The following NKAIN1 variants were observed in gnomAD, a reference collection of about 807,000 sequenced individuals.
NKAIN1 encodes the protein sodium/potassium-transporting ATPase subunit beta-1-interacting protein 1.
In NKAIN1, 13 loss-of-function variants were observed where a neutral mutation model predicts 31.6. The observed-to-expected ratio is 0.41, with a 90% CI of 0.27 to 0.65. The LOEUF is 0.65. Among genes scored for constraint, NKAIN1 ranks in the 30% least tolerant of loss-of-function variants. The probability of loss-of-function intolerance (pLI) is 0.30; values close to 1 mark genes in which losing one functional copy is unlikely to be tolerated. For missense variants in NKAIN1, 193 were observed against 262.2 expected (o/e 0.74, Z 1.82); for synonymous variants, 104 against 109.0 (o/e 0.95, Z 0.28).
chr1:31,233,283 C>T lies in NKAIN1; in HGVS notation c.54+6211G>A, dbSNP rs1236892233. ...CAGCTCTTTTAAGTCCAGCACAGAG[C>T]TTGGGGGTGGGTAGAATGGGGAGAG... On this transcript the variant is annotated intron_variant, in intron 1 of 6. Transcript: ENST00000373736. The surrounding 1 kb of genome is among the most constrained non-coding windows in gnomAD (Gnocchi z 4.0). Among the ~76,000 whole-genome samples the T allele has an allele frequency of 6.6e-6, 1 of 152,150 alleles. No homozygotes were observed. The highest frequency in any genetic ancestry group is 2.1e-4 in the South Asian group (1 of 4,830).
chr1:31,205,613 G>GTTTTTTTTTTTTTTTTTT, intron 1 of NKAIN1, among the ~76,000 whole-genome samples: 1 of 96,524 alleles, frequency 1.0e-5, no homozygotes, highest in Non-Finnish European at 1.9e-5. Flanking sequence ...AGCCGGACAA[G>GTTTTTTTTTTTTTTTTTT]TTTTTTTTTT....
At chr1:31,205,613 GTTTTT>G (rs761138403) in intron 1 of NKAIN1, among the ~76,000 whole-genome samples, 4 of 96,522 alleles carry the variant, frequency 4.1e-5, no homozygotes, top group Admixed American at 1.3e-4. Flanking sequence ...AGCCGGACAA[GTTTTT>G]TTTTTTTTTT....
At chr1:31,227,608 T>C (rs527762287) in intron 1 of NKAIN1, among the ~76,000 whole-genome samples, 1 of 151,714 alleles carries the variant, frequency 6.6e-6, no homozygotes, top group East Asian at 1.9e-4. Context: ...CCATTTTATA[T>C]ACGGGGAAGC....
chr1:31,195,189 C>A (rs1447925960), intron 1 of NKAIN1, among the ~76,000 whole-genome samples: 1 of 148,626 alleles, frequency 6.7e-6, no homozygotes, highest in African/African-American at 2.5e-5. Context: ...GCGATCTAGG[C>A]CCACTTGCAA....
intron 2 of NKAIN1, among the ~76,000 whole-genome samples, chr1:31,187,778 C>T (rs895619927): frequency 6.6e-6 from 1 of 151,916 alleles, no homozygotes; most frequent in South Asian, 2.1e-4. Context: ...AATTTCGCAG[C>T]GTGCCTGGCA....
chr1:31,217,020 C>T (rs961344924), intron 1 of NKAIN1, among the ~76,000 whole-genome samples: 2 of 152,214 alleles, frequency 1.3e-5, no homozygotes, highest in Non-Finnish European at 2.9e-5. Flanking sequence ...CGTGTGCCAC[C>T]ACGCCCAGGT....
intron 1 of NKAIN1, among the ~76,000 whole-genome samples, chr1:31,196,542 C>T (rs1645329235): frequency 8.1e-6 from 1 of 124,188 alleles, no homozygotes; most frequent in South Asian, 2.5e-4. Context: ...GAAAAATTAG[C>T]CGGGCATGGT....
At chr1:31,202,941 C>T (rs1227497623) in intron 1 of NKAIN1, among the ~76,000 whole-genome samples, 6 of 146,350 alleles carry the variant, frequency 4.1e-5, no homozygotes, top group Admixed American at 3.6e-4. Flanking sequence ...CACACCACTG[C>T]ACTCTAGCCT....
intron 1 of NKAIN1, among the ~76,000 whole-genome samples, chr1:31,232,473 TGG>T (rs1433107006): frequency 2.3e-4 from 12 of 51,308 alleles, no homozygotes; most frequent in African/African-American, 6.3e-4. Flanking sequence ...AGAGAGAGAG[TGG>T]GGGAGGTCTC....
chr1:31,202,208 T>TG (rs1645385637), intron 1 of NKAIN1, among the ~76,000 whole-genome samples: 1 of 152,174 alleles, frequency 6.6e-6, no homozygotes, highest in Admixed American at 6.5e-5. Flanking sequence ...CTTCCCCAGC[T>TG]GGGGGGCTCT....
In NKAIN1 at chr1:31,211,691, G is replaced by A. The variant is rs1478672739; in HGVS notation, c.55-23504C>T. Among the ~76,000 whole-genome samples, 11 of 151,098 alleles carry A rather than the reference G, an allele frequency of 7.3e-5. No individual in the cohort carries two copies. In the East Asian group the frequency reaches 2.1e-3, roughly 29 times the overall value. ...TGGCTGGGCACGGTGGCTCATGCCTGTAATCCCAGCACTTTGGGAGGCCAA... is the reference window on the plus strand; with the variant it reads ...TGGCTGGGCACGGTGGCTCATGCCTATAATCCCAGCACTTTGGGAGGCCAA... On this transcript the variant is annotated intron_variant, in intron 1 of 6. Coordinates refer to ENST00000373736, the MANE Select transcript of NKAIN1 (RefSeq NM_024522.3).
intron 1 of NKAIN1, among the ~76,000 whole-genome samples, chr1:31,190,975 C>G (rs1325454232): frequency 1.3e-5 from 2 of 152,168 alleles, no homozygotes; most frequent in African/African-American, 4.8e-5. Context: ...CATGGTGCAG[C>G]TGAGGAGGCA....
At position 31,233,789 on chromosome 1, in the gene NKAIN1, G is replaced by A. The variant is rs2377728; in HGVS notation, c.54+5705C>T. Among the ~76,000 whole-genome samples the A allele has an allele frequency of 0.23, 34,914 of 152,086 alleles. 4,640 individuals carry two copies. Among genetic ancestry groups the A allele is most frequent in the East Asian group, 0.47 (2,421 of 5,150 alleles). On this transcript the variant is annotated intron_variant, in intron 1 of 6. Coordinates refer to ENST00000373736, the MANE Select transcript of NKAIN1 (RefSeq NM_024522.3). This position sits in a 1 kb window ranked among gnomAD's most constrained non-coding sequence, Gnocchi z 4.0. ...GCCAGGGACCGTACTTGGCTATCCC[G>A]GCATCAACTTGCGAATTCCCCAAAC...
At chr1:31,188,919 G>C (rs1196822690) in intron 1 of NKAIN1, among the ~76,000 whole-genome samples, 1 of 151,814 alleles carries the variant, frequency 6.6e-6, no homozygotes, top group Non-Finnish European at 1.5e-5. Flanking sequence ...AGGCTTAGGT[G>C]AGAGAATCTC....
intron 1 of NKAIN1, among the ~76,000 whole-genome samples, chr1:31,212,784 A>G (rs1313863650): frequency 1.3e-5 from 2 of 152,112 alleles, no homozygotes; most frequent in East Asian, 1.9e-4. Flanking sequence ...GCGGATCACA[A>G]GGTCAGGAGA....
chr1:31,238,408 G>A (rs554050585), intron 1 of NKAIN1, among the ~76,000 whole-genome samples: 4 of 152,288 alleles, frequency 2.6e-5, no homozygotes, highest in South Asian at 2.1e-4. Context: ...ACCTGGGTTC[G>A]GCGATGGAGG....
At chr1:31,225,273 G>C (rs143829518) in intron 1 of NKAIN1, among the ~76,000 whole-genome samples, 8,805 of 145,976 alleles carry the variant, frequency 0.06, 386 homozygotes, top group Admixed American at 0.16. Context: ...TGATCTGCCC[G>C]CCTCAGCCTC....
rs3046278 is a variant in NKAIN1 at position 31,183,436 on chromosome 1, C to CTTTTTTTTTTTTT, written c.471+368_471+380dup. On this transcript the variant is annotated intron_variant, in intron 4 of 6. Transcript: ENST00000373736. ...GGCGGAAGACCTAGGTTCATTCCCT[C>CTTTTTTTTTTTTT]TTTTTTTTTTTTTTTTTTTTTTTTT... Among the ~76,000 whole-genome samples the CTTTTTTTTTTTTT allele has an allele frequency of 3.9e-4, 42 of 106,694 alleles. 5 individuals carry two copies. Among genetic ancestry groups the CTTTTTTTTTTTTT allele is most frequent in the African/African-American group, 2.1e-3 (38 of 17,898 alleles). 70.0% of individuals were successfully genotyped at this position (106,694 alleles called of 152,430 possible). A position where few individuals can be genotyped will look rare whatever the true frequency, so the allele number is the denominator to read the frequency against.
At chr1:31,232,396 C>CAT (rs371123492) in intron 1 of NKAIN1, among the ~76,000 whole-genome samples, 87 of 6,380 alleles carry the variant, frequency 0.014, 11 homozygotes, top group Middle Eastern at 0.083. Context: ...TGGCCTACTT[C>CAT]ATATATATAT....
Sources: allele counts gnomAD v4.1 joint callset (sites outside exome capture counted in the v4.1 genomes callset), GRCh38; gene constraint gnomAD v4.1.1; non-coding constraint Gnocchi (gnomAD v3.1); transcripts MANE v1.5; gene names NCBI Gene and HGNC (gene_info 2026-07-23, HGNC 2026-07-21).